BRD3: variants seen among roughly 807,000 people sequenced by gnomAD.
BRD3 encodes bromodomain containing 3.
A neutral mutation model predicts 66.8 loss-of-function variants in BRD3; 17 were observed. The observed-to-expected ratio is 0.25, with a 90% CI of 0.17 to 0.38. The LOEUF is 0.38. BRD3 is among the 10% of genes least tolerant of loss of function. The probability of loss-of-function intolerance (pLI) is 1.00; values close to 1 mark genes in which losing one functional copy is unlikely to be tolerated. For missense variants in BRD3, 713 were observed against 956.1 expected (o/e 0.75, Z 3.35); for synonymous variants, 421 against 393.2 (o/e 1.07, Z -0.84).
intron 1 of BRD3, among the ~76,000 whole-genome samples, chr9:134,060,910 G>A (rs1588301921): frequency 6.6e-6 from 1 of 152,342 alleles, no homozygotes; most frequent in Admixed American, 6.5e-5. Context: ...GGCACAGGAG[G>A]ACCTGAATGA....
chr9:134,066,678 G>A (rs576827135), intron 1 of BRD3, among the ~76,000 whole-genome samples: 144 of 152,340 alleles, frequency 9.5e-4, no homozygotes, highest in African/African-American at 1.2e-3. Context: ...TAGGGCGGGG[G>A]AGGACGGGAC....
chr9:134,038,347 G>T (rs753867108), intron 9 of BRD3, among the ~76,000 whole-genome samples: 1 of 152,020 alleles, frequency 6.6e-6, no homozygotes, highest in Non-Finnish European at 1.5e-5. Context: ...GTAGAGACAG[G>T]GTTTCACCAT....
chr9:134,044,157 C>G (rs1476500364), intron 7 of BRD3, among the ~76,000 whole-genome samples: 1 of 152,204 alleles, frequency 6.6e-6, no homozygotes, highest in Non-Finnish European at 1.5e-5. Flanking sequence ...CAGTATAAAA[C>G]CAGGGTTCTG....
At chr9:134,041,707 G>A in intron 8 of BRD3, 53 bp downstream of exon 8, 1 of 1,575,634 alleles carries the variant, frequency 6.3e-7, no homozygotes, top group Non-Finnish European at 8.6e-7. Flanking sequence ...GGGCTGCTGT[G>A]CCAGCAATCC....
chr9:134,063,960 C>T (rs556875811), intron 1 of BRD3, among the ~76,000 whole-genome samples: 4 of 152,126 alleles, frequency 2.6e-5, no homozygotes, highest in Admixed American at 1.3e-4. Context: ...TGGGGGCCTG[C>T]GGCAAGGAGG....
At chr9:134,057,142 G>A (rs992026952) in intron 1 of BRD3, 4 of 152,234 alleles carry the variant, frequency 2.6e-5, no homozygotes, top group Non-Finnish European at 4.4e-5. Flanking sequence ...CAGGGAGCTC[G>A]GGGCCACATC....
intron 1 of BRD3, among the ~76,000 whole-genome samples, chr9:134,066,662 A>G (rs1830664441): frequency 6.6e-6 from 1 of 152,190 alleles, no homozygotes; most frequent in Admixed American, 6.5e-5. Flanking sequence ...GTTCCTTCTC[A>G]CAGGGTAGGG....
At chr9:134,041,734 CCCCA>C in intron 8 of BRD3, 22 bp downstream of exon 8, 1 of 1,603,986 alleles carries the variant, frequency 6.2e-7, no homozygotes, top group Non-Finnish European at 8.5e-7. Flanking sequence ...AGCCCCTGAA[CCCCA>C]CCCAAGCATG....
Position 134,048,344 on chromosome 9 carries a change from C to T in BRD3, c.825G>A (p.Val275=). 3 of 1,599,244 alleles carry T rather than the reference C, an allele frequency of 1.9e-6. No individual in the cohort carries two copies. Among genetic ancestry groups the T allele is most frequent in the Non-Finnish European group, 2.5e-6 (3 of 1,179,692 alleles). ...GGCCACCACTCTCCCGCCGGGCCAC[C>T]ACTTTGGCCTGCTTGGGGTCTGACA... ...PPLSDPKQAK[V]VARRESGGRP... The change falls in exon 6 of 12, where the codon GTG becomes GTA. Residue 275 remains valine, a synonymous_variant. Transcript: ENST00000303407.
intron 10 of BRD3, among the ~76,000 whole-genome samples, chr9:134,035,576 G>A (rs553426197): frequency 1.6e-3 from 239 of 152,272 alleles, no homozygotes; most frequent in Non-Finnish European, 2.4e-3. Context: ...TCAAAGGGAG[G>A]GTGTCCTTGT....
intron 6 of BRD3, among the ~76,000 whole-genome samples, chr9:134,046,298 T>G (rs1216196405): frequency 6.6e-6 from 1 of 152,220 alleles, no homozygotes; most frequent in Admixed American, 6.5e-5. Context: ...GAGGTCACGC[T>G]GTGCCCGAGG....
intron 9 of BRD3, chr9:134,036,623 AAG>A: frequency 6.6e-7 from 1 of 1,509,692 alleles, no homozygotes; most frequent in African/African-American, 1.4e-5. Flanking sequence ...GAAGGCAAAA[AAG>A]GGGGAACAAA....
intron 8 of BRD3, among the ~76,000 whole-genome samples, chr9:134,040,574 T>C (rs945790431): frequency 1.3e-5 from 2 of 152,188 alleles, no homozygotes; most frequent in African/African-American, 4.8e-5. Context: ...AAAAAAAATG[T>C]ATTATACTTT....
At position 134,048,248 on chromosome 9, in the gene BRD3, C is replaced by T. The variant is rs747870844; in HGVS notation, c.921G>A (p.Lys307=). The T allele has an allele frequency of 4.3e-6, 7 of 1,611,206 alleles. No individual in the cohort carries two copies. The highest frequency in any genetic ancestry group is 5.9e-6 in the Non-Finnish European group (7 of 1,179,176). The change falls in exon 6 of 12, where the codon AAG becomes AAA. Residue 307 remains lysine (K), a synonymous_variant. Coordinates refer to ENST00000303407, the MANE Select transcript of BRD3 (RefSeq NM_007371.4). ...EVPQHAGKKG[K]LSEHLRYCDS... ...CGCAGTAGCGTAGGTGCTCCGACAG[C>T]TTGCCCTTCTTGCCTGCGTGCTGGG...
intron 5 of BRD3, 103 bp from the exon 6 acceptor site, chr9:134,048,557 G>A (rs556196464): frequency 8.8e-5 from 135 of 1,535,162 alleles, no homozygotes; most frequent in Non-Finnish European, 1.1e-4. Flanking sequence ...CCTGGCGCTG[G>A]GCTAAGCGGC....
At chr9:134,062,247 C>T (rs1433413745) in intron 1 of BRD3, among the ~76,000 whole-genome samples, 1 of 152,172 alleles carries the variant, frequency 6.6e-6, no homozygotes, top group Non-Finnish European at 1.5e-5. Context: ...AGCGCACCTG[C>T]TCTCCTGCAG....
intron 1 of BRD3, among the ~76,000 whole-genome samples, chr9:134,055,103 C>T (rs1202360599): frequency 6.6e-6 from 1 of 152,164 alleles, no homozygotes; most frequent in East Asian, 1.9e-4. Flanking sequence ...AACCCTGGTG[C>T]GGAGGGCAGC....
rs538924842 is a variant in BRD3, at chr9:134,050,676, G to C, written c.500-88C>G. 6.6e-5 allele frequency: 74 copies of C among 1,122,086 alleles called. No homozygotes were observed. The South Asian group carries it at 9.5e-4, about 14-fold the overall frequency. 69.5% of individuals were successfully genotyped at this position (1,122,086 alleles called of 1,614,324 possible). ...GTGCCACCCCTCCAGCCAGAACACGGGTACCAGCTCTGTGCTGCCAAGACC... is the reference window on the plus strand; with the variant it reads ...GTGCCACCCCTCCAGCCAGAACACGCGTACCAGCTCTGTGCTGCCAAGACC... On this transcript the variant is annotated intron_variant, in intron 4 of 11. Transcript: ENST00000303407.
intron 9 of BRD3, among the ~76,000 whole-genome samples, chr9:134,037,533 T>TAG (rs1829951597): frequency 6.6e-6 from 1 of 152,162 alleles, no homozygotes; most frequent in Non-Finnish European, 1.5e-5. Context: ...ATCGTGCCAC[T>TAG]GCACTCCAGC....
Sources: allele counts gnomAD v4.1 joint callset (sites outside exome capture counted in the v4.1 genomes callset), GRCh38; gene constraint gnomAD v4.1.1; transcripts MANE v1.5; gene names NCBI Gene and HGNC (gene_info 2026-07-23, HGNC 2026-07-21).